Variants in RGSL1 observed in about 807,000 individuals in gnomAD.
The protein encoded by RGSL1 is regulator of G protein signaling protein-like.
A neutral mutation model predicts 124.7 loss-of-function variants in RGSL1; 97 were observed. That is an observed-to-expected ratio of 0.78 (90% CI 0.66 to 0.92). The LOEUF (loss-of-function observed/expected upper bound fraction) is 0.92, where lower values mean the gene tolerates loss of function less well. Among genes scored for constraint, RGSL1 ranks in the 40% least tolerant of loss-of-function variants. The pLI, the probability that RGSL1 is intolerant of heterozygous loss-of-function variation, is 0.00. For synonymous variants in RGSL1, 424 were observed against 438.1 expected, an observed-to-expected ratio of 0.97 and a Z score of 0.40; for missense variants, 1,233 against 1,288.4, an observed-to-expected ratio of 0.96 and a Z score of 0.66.
At chr1:182,535,424 C>T (rs891971311) in intron 14 of RGSL1, among the ~76,000 whole-genome samples, 7 of 152,164 alleles carry the variant, frequency 4.6e-5, no homozygotes, top group African/African-American at 9.7e-5. Flanking sequence ...AGTTTTACAG[C>T]TTCCCTCCTC....
chr1:182,519,105 C>T (rs987596318), intron 9 of RGSL1, among the ~76,000 whole-genome samples: 10 of 151,956 alleles, frequency 6.6e-5, no homozygotes, highest in East Asian at 3.9e-4. Flanking sequence ...AAATGCATCC[C>T]TGACATATTA....
chr1:182,466,433 A>G (rs1653335957), intron 4 of RGSL1, among the ~76,000 whole-genome samples: 1 of 152,196 alleles, frequency 6.6e-6, no homozygotes, highest in South Asian at 2.1e-4. Context: ...GATTCCACAC[A>G]TAAAAAAACT....
At chr1:182,554,978 T>A in intron 20 of RGSL1, 1 of 399,588 alleles carries the variant, frequency 2.5e-6, no homozygotes, top group Non-Finnish European at 4.5e-6. Flanking sequence ...AGATGATCTT[T>A]GATTTTTATT....
intron 9 of RGSL1, among the ~76,000 whole-genome samples, chr1:182,505,957 G>T (rs1353378091): frequency 5.3e-5 from 8 of 152,048 alleles, no homozygotes; most frequent in Non-Finnish European, 1.2e-4. Context: ...CATTTTTTAA[G>T]ATATTTATAT....
intron 21 of RGSL1, among the ~76,000 whole-genome samples, chr1:182,558,055 G>A: frequency 9.2e-6 from 1 of 108,790 alleles, no homozygotes; most frequent in Non-Finnish European, 2.2e-5. Context: ...GGAATAAAAA[G>A]AAGGAAGGAA....
chr1:182,506,005 G>A (rs1045961515), intron 9 of RGSL1, among the ~76,000 whole-genome samples: 12 of 151,846 alleles, frequency 7.9e-5, no homozygotes, highest in African/African-American at 2.9e-4. Flanking sequence ...CTCTTACTAG[G>A]TCTTCCATTA....
intron 14 of RGSL1, among the ~76,000 whole-genome samples, chr1:182,537,567 T>C (rs2102290560): frequency 6.6e-6 from 1 of 152,380 alleles, no homozygotes; most frequent in South Asian, 2.1e-4. Flanking sequence ...TGTTCTGGGA[T>C]ACAGTTAAGT....
chr1:182,533,685 T>A (rs944321187), intron 14 of RGSL1, among the ~76,000 whole-genome samples: 3 of 152,336 alleles, frequency 2.0e-5, no homozygotes, highest in African/African-American at 4.8e-5. Flanking sequence ...GAATGAGAAT[T>A]GTTTCTATTT....
intron 6 of RGSL1, among the ~76,000 whole-genome samples, chr1:182,476,626 AT>A (rs1349289009): frequency 6.6e-6 from 1 of 152,238 alleles, no homozygotes; most frequent in Non-Finnish European, 1.5e-5. Context: ...ACATAGTGTA[AT>A]TTAACTGAAA....
chr1:182,496,074 C>A (rs1251479660), intron 9 of RGSL1, among the ~76,000 whole-genome samples: 1 of 152,080 alleles, frequency 6.6e-6, no homozygotes, highest in African/African-American at 2.4e-5. Flanking sequence ...ATACAGGAAG[C>A]ATAATGCTGG....
chr1:182,517,656 G>A (rs893910138), intron 9 of RGSL1, among the ~76,000 whole-genome samples: 1 of 151,938 alleles, frequency 6.6e-6, no homozygotes, highest in Non-Finnish European at 1.5e-5. Flanking sequence ...CCATTTTGCT[G>A]TTGAGAGCCT....
intron 9 of RGSL1, among the ~76,000 whole-genome samples, chr1:182,521,538 G>A (rs528837626): frequency 1.8e-4 from 28 of 152,322 alleles, no homozygotes; most frequent in African/African-American, 3.1e-4. Flanking sequence ...CAAGAAGATG[G>A]AGGGAACTCT....
At chr1:182,550,509 A>T (rs1157253814) in intron 17 of RGSL1, 1 of 152,310 alleles carries the variant, frequency 6.6e-6, no homozygotes, top group African/African-American at 2.4e-5. Context: ...GAAGGTAGGG[A>T]TAACAAGGGG....
intron 3 of RGSL1, among the ~76,000 whole-genome samples, chr1:182,458,627 G>A (rs1822270): frequency 0.079 from 11,951 of 151,988 alleles, 930 homozygotes; most frequent in East Asian, 0.25. Context: ...ACATGCCACT[G>A]TGCCTGGCTA....
At chr1:182,542,975 A>G (rs1659984554) in intron 15 of RGSL1, among the ~76,000 whole-genome samples, 1 of 152,114 alleles carries the variant, frequency 6.6e-6, no homozygotes, top group Non-Finnish European at 1.5e-5. Context: ...TTTTCTAAAG[A>G]TAAGATTATG....
intron 4 of RGSL1, among the ~76,000 whole-genome samples, chr1:182,467,723 T>C (rs1653462072): frequency 6.6e-6 from 1 of 152,144 alleles, no homozygotes; most frequent in Non-Finnish European, 1.5e-5. Flanking sequence ...ACTTCATGTC[T>C]AAAACACCAA....
Position 182,532,948 on chromosome 1 carries a change from C to G in RGSL1, c.2494+157C>G, listed in dbSNP as rs1428784302. On this transcript the variant is annotated intron_variant, in intron 14 of 21. Transcript: ENST00000294854. ...TGTGCAAAGCCAGGCCCAGGCCTTC[C>G]TAGAGAGGATGCAAGACCAGAGGCC... 3.3e-5 allele frequency among the ~76,000 whole-genome samples: 5 copies of G among 152,122 alleles called. No homozygotes were observed. In the East Asian group the frequency reaches 9.7e-4, roughly 29 times the overall value.
intron 9 of RGSL1, among the ~76,000 whole-genome samples, chr1:182,502,017 A>C (rs978470354): frequency 1.3e-5 from 2 of 152,128 alleles, no homozygotes; most frequent in African/African-American, 4.8e-5. Flanking sequence ...TTGCCATAAA[A>C]TTGTTTATAG....
At chr1:182,491,863 G>A (rs564609582) in intron 8 of RGSL1, among the ~76,000 whole-genome samples, 56 of 152,238 alleles carry the variant, frequency 3.7e-4, no homozygotes, top group South Asian at 6.2e-4. Context: ...CTTCTCCTCC[G>A]TAGGAAGTAA....
Sources: allele counts gnomAD v4.1 joint callset (sites outside exome capture counted in the v4.1 genomes callset), GRCh38; gene constraint gnomAD v4.1.1; transcripts MANE v1.5; gene names NCBI Gene and HGNC (gene_info 2026-07-23, HGNC 2026-07-21).